Variants in CERS4 observed in about 807,000 individuals in gnomAD.
CERS4 encodes ceramide synthase 4, also known as LAG1 homolog, ceramide synthase 4.
In CERS4, 65 loss-of-function variants were observed where a neutral mutation model predicts 51.8. That is an observed-to-expected ratio of 1.26 (90% CI 1.03 to 1.54). The LOEUF (loss-of-function observed/expected upper bound fraction) is 1.54, where lower values mean the gene tolerates loss of function less well. Among genes scored for constraint, CERS4 ranks in the 40% most tolerant of loss-of-function variants. CERS4 has a pLI of 0.00. For missense variants in CERS4, 563 were observed against 500.4 expected, an observed-to-expected ratio of 1.13 and a Z score of -1.19; for synonymous variants, 228 against 208.4, an observed-to-expected ratio of 1.09 and a Z score of -0.81.
At chr19:8,250,327 T>C (rs945565018) in intron 2 of CERS4, among the ~76,000 whole-genome samples, 1 of 152,182 alleles carries the variant, frequency 6.6e-6, no homozygotes, top group African/African-American at 2.4e-5. Flanking sequence ...CTGGCTACCA[T>C]CTTGGCATCA....
At chr19:8,220,890 C>T (rs1017406520) in intron 2 of CERS4, among the ~76,000 whole-genome samples, 7 of 151,478 alleles carry the variant, frequency 4.6e-5, no homozygotes, top group Non-Finnish European at 7.4e-5. Context: ...GGTGCAACCT[C>T]GGCTCACTGC....
At chr19:8,214,313 G>A (rs1367395556) in intron 2 of CERS4, 1 of 152,328 alleles carries the variant, frequency 6.6e-6, no homozygotes, top group Non-Finnish European at 1.5e-5. Flanking sequence ...TGCAGTGGGA[G>A]GCACTGGGGA....
intron 3 of CERS4, among the ~76,000 whole-genome samples, chr19:8,252,369 T>TTA (rs1555778782): frequency 6.9e-6 from 1 of 144,404 alleles, no homozygotes; most frequent in Non-Finnish European, 1.5e-5. Context: ...AAACTCCATC[T>TTA]AAAAAAAAAA....
In CERS4 at chr19:8,255,852, C is replaced by T. The variant is rs114793879; in HGVS notation, c.441C>T (p.Phe147=). 11 of 1,613,962 alleles carry T rather than the reference C, an allele frequency of 6.8e-6. No homozygotes were observed. The highest frequency in any genetic ancestry group is 4.0e-5 in the African/African-American group (3 of 75,026). The change falls in exon 6 of 12, where the codon TTC becomes TTT. Residue 147 remains phenylalanine (F), a synonymous_variant. Transcript: ENST00000251363. ...SWRFLFYLSS[F]VGGLSVLYHE... ...GGTTTCTCTTCTACCTGTCCTCCTT[C>T]GTGGGCGGCCTCTCGGTCCTGTACC... is the stretch of plus-strand genomic sequence containing the variant.
At chr19:8,240,469 A>T (rs1156421551) in intron 2 of CERS4, 5 of 152,108 alleles carry the variant, frequency 3.3e-5, no homozygotes, top group Admixed American at 2.6e-4. Flanking sequence ...ATCTGCAAAC[A>T]GCCCCCTTCC....
chr19:8,216,849 G>T (rs950239266), intron 2 of CERS4, among the ~76,000 whole-genome samples: 1 of 152,072 alleles, frequency 6.6e-6, no homozygotes, highest in African/African-American at 2.4e-5. Flanking sequence ...GCGTACCTCG[G>T]GTGGCAGGTA....
intron 2 of CERS4, among the ~76,000 whole-genome samples, chr19:8,237,397 CAAAA>C (rs1968313879): frequency 1.3e-5 from 2 of 151,708 alleles, no homozygotes; most frequent in East Asian, 1.9e-4. Flanking sequence ...ACTAAAAACA[CAAAA>C]AAAGTTAGCC....
chr19:8,253,754 A>G (rs965594226), intron 3 of CERS4, among the ~76,000 whole-genome samples: 17 of 151,934 alleles, frequency 1.1e-4, no homozygotes, highest in Non-Finnish European at 1.9e-4. Context: ...CCACACCCAG[A>G]TGATTTTGTA....
intron 2 of CERS4, among the ~76,000 whole-genome samples, chr19:8,212,959 C>G (rs1165303941): frequency 6.6e-6 from 1 of 151,958 alleles, no homozygotes; most frequent in Non-Finnish European, 1.5e-5. Flanking sequence ...GTCTCACTTT[C>G]TTTTGTGGCT....
intron 2 of CERS4, among the ~76,000 whole-genome samples, chr19:8,230,749 T>C (rs1265613101): frequency 6.6e-6 from 1 of 152,228 alleles, no homozygotes; most frequent in African/African-American, 2.4e-5. Context: ...TTTTATCATC[T>C]CCAATGCGCT....
intron 2 of CERS4, among the ~76,000 whole-genome samples, chr19:8,238,091 A>T (rs1178879622): frequency 6.6e-6 from 1 of 150,988 alleles, no homozygotes; most frequent in East Asian, 1.9e-4. Flanking sequence ...GGGACTGCTC[A>T]TTTTTTCCCT....
chr19:8,245,238 T>TA (rs775095993), intron 2 of CERS4, among the ~76,000 whole-genome samples: 27 of 151,554 alleles, frequency 1.8e-4, no homozygotes, highest in South Asian at 8.3e-4. Context: ...TATTTATATA[T>TA]TTTTATTTTT....
chr19:8,234,655 G>A (rs1968160966), intron 2 of CERS4, among the ~76,000 whole-genome samples: 1 of 142,418 alleles, frequency 7.0e-6, no homozygotes. Flanking sequence ...CCGGGTTCAA[G>A]CAATTCTCCT....
intron 2 of CERS4, among the ~76,000 whole-genome samples, chr19:8,242,878 C>T (rs1169473302): frequency 2.6e-5 from 4 of 152,066 alleles, no homozygotes; most frequent in African/African-American, 7.2e-5. Flanking sequence ...GCCATTGCTC[C>T]TGTGGTTCTC....
intron 3 of CERS4, among the ~76,000 whole-genome samples, chr19:8,253,045 C>G (rs1969169061): frequency 6.6e-6 from 1 of 152,228 alleles, no homozygotes; most frequent in African/African-American, 2.4e-5. Context: ...CGCTCATTCT[C>G]TCCGCATCAT....
At chr19:8,260,845 G>C (rs1481943523) in intron 10 of CERS4, among the ~76,000 whole-genome samples, 2 of 151,284 alleles carry the variant, frequency 1.3e-5, no homozygotes, top group Non-Finnish European at 2.9e-5. Context: ...CAGCTACTTG[G>C]GAGGCTGAGG....
intron 2 of CERS4, among the ~76,000 whole-genome samples, chr19:8,242,340 G>A (rs1202061428): frequency 6.6e-6 from 1 of 152,316 alleles, no homozygotes; most frequent in East Asian, 1.9e-4. Context: ...TGCAATCAGG[G>A]CATATCAGTC....
intron 10 of CERS4, among the ~76,000 whole-genome samples, chr19:8,260,369 A>AT (rs57861384): frequency 0.23 from 32,445 of 138,696 alleles, 4,718 homozygotes; most frequent in Non-Finnish European, 0.34. Flanking sequence ...TAATTTTTGT[A>AT]TTTTTTTTTT....
At chr19:8,216,766 A>G (rs530978115) in intron 2 of CERS4, among the ~76,000 whole-genome samples, 7 of 152,110 alleles carry the variant, frequency 4.6e-5, no homozygotes, top group African/African-American at 1.7e-4. Flanking sequence ...ATGTGAAGTG[A>G]TGTCAGCCAT....
Sources: allele counts gnomAD v4.1 joint callset (sites outside exome capture counted in the v4.1 genomes callset), GRCh38; gene constraint gnomAD v4.1.1; transcripts MANE v1.5; gene names NCBI Gene and HGNC (gene_info 2026-07-23, HGNC 2026-07-21).